SLC16A7: variants seen among roughly 807,000 people sequenced by gnomAD.
The protein encoded by SLC16A7 is monocarboxylate transporter 2.
Under a neutral mutation model 34.9 loss-of-function variants are expected in SLC16A7, and 33 were observed. That is an observed-to-expected ratio of 0.94 (90% CI 0.72 to 1.26). The LOEUF is 1.26. Among genes scored for constraint, SLC16A7 ranks in the 50% most tolerant of loss-of-function variants. The pLI is 0.00. For missense variants in SLC16A7, 573 were observed against 578.1 expected, an observed-to-expected ratio of 0.99 and a Z score of 0.09; for synonymous variants, 201 against 206.6, an observed-to-expected ratio of 0.97 and a Z score of 0.23.
At chr12:59,690,127 T>G (rs1473743105) in intron 2 of SLC16A7, among the ~76,000 whole-genome samples, 2 of 152,002 alleles carry the variant, frequency 1.3e-5, no homozygotes, top group Non-Finnish European at 2.9e-5. Flanking sequence ...CCTCTTTTAC[T>G]GTAGAGCCAT....
At chr12:59,623,963 T>C (rs1478494071) in intron 1 of SLC16A7, among the ~76,000 whole-genome samples, 1 of 151,520 alleles carries the variant, frequency 6.6e-6, no homozygotes, top group East Asian at 1.9e-4. Flanking sequence ...TTTTTTTCTG[T>C]ATTATATAAA....
At chr12:59,643,082 A>G (rs1880755291) in intron 1 of SLC16A7, among the ~76,000 whole-genome samples, 1 of 152,230 alleles carries the variant, frequency 6.6e-6, no homozygotes, top group East Asian at 1.9e-4. Context: ...ATATTGGTAA[A>G]TGATATTACT....
intron 1 of SLC16A7, among the ~76,000 whole-genome samples, chr12:59,625,517 A>G (rs1303924407): frequency 6.6e-6 from 1 of 151,776 alleles, no homozygotes; most frequent in Non-Finnish European, 1.5e-5. Flanking sequence ...AATTTTGGGA[A>G]ACTTCCTTAA....
intron 1 of SLC16A7, among the ~76,000 whole-genome samples, chr12:59,601,291 CCTA>C (rs767107804): frequency 2.6e-5 from 4 of 151,926 alleles, no homozygotes; most frequent in East Asian, 3.9e-4. Context: ...AAGCAGCTGC[CCTA>C]CTAAGTAATT....
intron 3 of SLC16A7, among the ~76,000 whole-genome samples, chr12:59,748,843 A>C (rs1565692503): frequency 6.6e-6 from 1 of 152,240 alleles, no homozygotes; most frequent in East Asian, 1.9e-4. Flanking sequence ...ATATGATTTG[A>C]GAACAAGCAA....
chr12:59,732,657 C>T (rs898964984), intron 3 of SLC16A7, among the ~76,000 whole-genome samples: 7 of 152,168 alleles, frequency 4.6e-5, no homozygotes, highest in African/African-American at 1.4e-4. Context: ...TTCTCAAATA[C>T]CCAATGTTCT....
chr12:59,667,900 C>A (rs1484467252), intron 2 of SLC16A7, among the ~76,000 whole-genome samples: 1 of 152,204 alleles, frequency 6.6e-6, no homozygotes, highest in African/African-American at 2.4e-5. Context: ...TGCATCCCAG[C>A]CATGGCTAAA....
intron 3 of SLC16A7, among the ~76,000 whole-genome samples, chr12:59,767,119 G>A (rs1881738312): frequency 6.6e-6 from 1 of 150,510 alleles, no homozygotes; most frequent in South Asian, 2.1e-4. Context: ...TTATTAGCGA[G>A]ATTGCTTCTT....
At chr12:59,636,376 C>G (rs1339385050) in intron 1 of SLC16A7, among the ~76,000 whole-genome samples, 2 of 151,956 alleles carry the variant, frequency 1.3e-5, no homozygotes, top group Non-Finnish European at 2.9e-5. Flanking sequence ...TATTTTAGGC[C>G]TTTTCTGATT....
At chr12:59,661,945 G>T (rs1299454866) in intron 2 of SLC16A7, among the ~76,000 whole-genome samples, 3 of 151,946 alleles carry the variant, frequency 2.0e-5, no homozygotes, top group African/African-American at 7.2e-5. Context: ...TCTAGATTTA[G>T]AAAATAGAAT....
chr12:59,682,958 C>T (rs939234270), intron 2 of SLC16A7, among the ~76,000 whole-genome samples: 2 of 151,926 alleles, frequency 1.3e-5, no homozygotes, highest in African/African-American at 4.8e-5. Context: ...CCCAGCTACT[C>T]AGGAGGCTGA....
At chr12:59,609,142 A>T (rs76506326) in intron 1 of SLC16A7, among the ~76,000 whole-genome samples, 2 of 152,338 alleles carry the variant, frequency 1.3e-5, no homozygotes, top group African/African-American at 4.8e-5. Flanking sequence ...CGGTATCCCT[A>T]TGTGGTACAG....
rs937582279 is a variant in SLC16A7 at position 59,788,163 on chromosome 12, G to A, written c.*8484G>A. The A allele has an allele frequency of 6.6e-6, 1 of 151,950 alleles. No individual in the cohort carries two copies. Among genetic ancestry groups the A allele is most frequent in the Admixed American group, 6.6e-5 (1 of 15,212 alleles). The allele number at this position is 151,950 out of a possible 1,614,324, so 9.4% of individuals were successfully genotyped here. ...GTTTTTCTAATCCCAGCATTAAATTGAAACAAATATTTAAAATAAGATTGT... is the reference window on the plus strand; with the variant it reads ...GTTTTTCTAATCCCAGCATTAAATTAAAACAAATATTTAAAATAAGATTGT... On this transcript the variant is annotated 3_prime_UTR_variant, in exon 6 of 6. Transcript: ENST00000547379.
chr12:59,732,415 C>A (rs1877063201), intron 3 of SLC16A7, among the ~76,000 whole-genome samples: 1 of 152,094 alleles, frequency 6.6e-6, no homozygotes, highest in East Asian at 1.9e-4. Flanking sequence ...AGCAAAACTC[C>A]GTCTCAAGGG....
intron 3 of SLC16A7, among the ~76,000 whole-genome samples, chr12:59,767,106 A>G (rs1881736473): frequency 6.6e-6 from 1 of 151,862 alleles, no homozygotes; most frequent in East Asian, 2.0e-4. Context: ...TAGATTTTCT[A>G]GTTTATTAGC....
Position 59,736,570 on chromosome 12 carries a change from G to C in SLC16A7, c.217+31552G>C, listed in dbSNP as rs79807879. Among the ~76,000 whole-genome samples the C allele has an allele frequency of 8.4e-3, 1,283 of 152,202 alleles. 13 individuals carry two copies. Among genetic ancestry groups the C allele is most frequent in the Middle Eastern group, 0.054 (16 of 294 alleles). On this transcript the variant is annotated intron_variant, in intron 3 of 5. Transcript: ENST00000547379. Reference sequence around the variant, plus strand: ...CCCACTATCAGCTGCTGCAGATGCTGTATTTCCCACCACTGCAGTTAAATC... The same window carrying C: ...CCCACTATCAGCTGCTGCAGATGCTCTATTTCCCACCACTGCAGTTAAATC...
intron 3 of SLC16A7, among the ~76,000 whole-genome samples, chr12:59,712,031 C>T (rs1190633262): frequency 6.6e-6 from 1 of 152,210 alleles, no homozygotes; most frequent in South Asian, 2.1e-4. Context: ...GTTTCCTTAT[C>T]TGTAAAAATC....
intron 3 of SLC16A7, among the ~76,000 whole-genome samples, chr12:59,766,270 C>T (rs1476809297): frequency 3.9e-5 from 6 of 152,166 alleles, no homozygotes; most frequent in African/African-American, 4.8e-5. Flanking sequence ...ATCATGTCAT[C>T]TGCAAACAGG....
chr12:59,653,939 T>A (rs561274125), intron 1 of SLC16A7, among the ~76,000 whole-genome samples: 7 of 151,720 alleles, frequency 4.6e-5, no homozygotes, highest in Non-Finnish European at 1.0e-4. Context: ...TTTTCTTGAT[T>A]ACATCTCAAA....
Sources: allele counts gnomAD v4.1 joint callset (sites outside exome capture counted in the v4.1 genomes callset), GRCh38; gene constraint gnomAD v4.1.1; transcripts MANE v1.5; gene names NCBI Gene and HGNC (gene_info 2026-07-23, HGNC 2026-07-21).